Variants in CRTC3 observed in about 807,000 individuals in gnomAD.
CRTC3 encodes the protein CREB-regulated transcription coactivator 3.
A neutral mutation model predicts 74.5 loss-of-function variants in CRTC3; 26 were observed. The observed-to-expected ratio is 0.35, with a 90% confidence interval of 0.26 to 0.48. CRTC3 has a LOEUF of 0.48. Among genes scored for constraint, CRTC3 ranks in the 20% least tolerant of loss-of-function variants. The pLI is 0.99. For missense variants in CRTC3, 760 were observed against 787.3 expected (o/e 0.97, Z 0.41); for synonymous variants, 377 against 325.8 (o/e 1.16, Z -1.69).
intron 8 of CRTC3, 58 bp downstream of exon 8, chr15:90,618,026 A>G: frequency 8.5e-7 from 1 of 1,173,306 alleles, no homozygotes; most frequent in Non-Finnish European, 1.3e-6. Context: ...CTTAGAGGTC[A>G]TTGAAAAATC....
intron 6 of CRTC3, among the ~76,000 whole-genome samples, chr15:90,608,122 G>A (rs912555119): frequency 1.3e-5 from 2 of 152,152 alleles, no homozygotes; most frequent in Non-Finnish European, 2.9e-5. Flanking sequence ...TGCATCACCT[G>A]CTCAGTTGCC....
At chr15:90,614,419 G>T in intron 6 of CRTC3, 34 bp from the exon 7 acceptor site, 1 of 1,515,344 alleles carries the variant, frequency 6.6e-7, no homozygotes, top group Non-Finnish European at 9.1e-7. Context: ...CCACATAAAA[G>T]TGTTTTCTTT....
chr15:90,642,762 C>T lies in CRTC3; in HGVS notation c.*622C>T, dbSNP rs3743401. The T allele has an allele frequency of 0.3, 70,279 of 231,372 alleles. 11,990 individuals carry two copies. The highest frequency in any genetic ancestry group is 0.5 in the African/African-American group (22,454 of 45,216). 14.3% of individuals were successfully genotyped at this position (231,372 alleles called of 1,614,324 possible). A position where few individuals can be genotyped will look rare whatever the true frequency, so the allele number is the denominator to read the frequency against. On this transcript the variant is annotated 3_prime_UTR_variant, in exon 15 of 15. Transcript: ENST00000268184. The stretch of plus-strand genomic sequence containing the variant: ...AAGGCTAATTTTCATTTTCTCCCAG[C>T]TGGTTTCTGCTGCTTCAGAAAAGTA...
At chr15:90,533,420 AG>A (rs11402562) in intron 1 of CRTC3, among the ~76,000 whole-genome samples, 6 of 117,324 alleles carry the variant, frequency 5.1e-5, no homozygotes, top group African/African-American at 1.0e-4. Flanking sequence ...GACTCCGCCT[AG>A]GAAAAAAAAA....
intron 2 of CRTC3, among the ~76,000 whole-genome samples, chr15:90,543,168 A>C (rs758603886): frequency 6.7e-6 from 1 of 148,872 alleles, no homozygotes; most frequent in Non-Finnish European, 1.5e-5. Flanking sequence ...GTGGTGGTGC[A>C]CGCCTCTGGT....
At chr15:90,573,653 A>G (rs1967330507) in intron 2 of CRTC3, among the ~76,000 whole-genome samples, 1 of 151,692 alleles carries the variant, frequency 6.6e-6, no homozygotes, top group African/African-American at 2.4e-5. Context: ...TCCCATTGAT[A>G]TGGCTACCTA....
At chr15:90,562,842 C>T (rs901015491) in intron 2 of CRTC3, among the ~76,000 whole-genome samples, 30 of 151,918 alleles carry the variant, frequency 2.0e-4, no homozygotes, top group African/African-American at 7.0e-4. Flanking sequence ...GCAAGCCAGA[C>T]CAGCCGCAAG....
chr15:90,621,652 T>C (rs1968656619), intron 9 of CRTC3, among the ~76,000 whole-genome samples: 2 of 152,044 alleles, frequency 1.3e-5, no homozygotes, highest in Admixed American at 1.3e-4. Context: ...GATAGGGCCT[T>C]GCTATGTTGG....
chr15:90,592,368 G>A (rs1967820866), intron 2 of CRTC3, among the ~76,000 whole-genome samples: 1 of 152,148 alleles, frequency 6.6e-6, no homozygotes, highest in African/African-American at 2.4e-5. Context: ...TTCTTTGTCA[G>A]TAACACCTTA....
Position 90,577,098 on chromosome 15 carries a change from C to T in CRTC3, c.232-16538C>T, listed in dbSNP as rs536659499. Among the ~76,000 whole-genome samples, 62 of 152,296 alleles carry T rather than the reference C, an allele frequency of 4.1e-4. No individual in the cohort carries two copies. The South Asian group carries it at 0.013, about 31-fold the overall frequency. ...TTGCCCTCTTGCTCAGGCTGCCATG[C>T]AGTGGCTCACACTGGCTCTCCTCTT... On this transcript the variant is annotated intron_variant, in intron 2 of 14. Transcript: ENST00000268184.
Position 90,643,583 on chromosome 15 carries a change from A to T in CRTC3, c.*1443A>T, listed in dbSNP as rs980886935. The T allele has an allele frequency of 6.5e-5, 15 of 230,428 alleles. No homozygotes were observed. Among genetic ancestry groups the T allele is most frequent in the Non-Finnish European group, 6.9e-5 (8 of 116,464 alleles). 14.3% of individuals were successfully genotyped at this position (230,428 alleles called of 1,614,324 possible). A position where few individuals can be genotyped will look rare whatever the true frequency, so the allele number is the denominator to read the frequency against. On this transcript the variant is annotated 3_prime_UTR_variant, in exon 15 of 15. Transcript: ENST00000268184. The stretch of plus-strand genomic sequence containing the variant: ...CTTTGAGGTTGAAAAAATAGTTTAT[A>T]GTAAAACGAAGGCCTAATTCATGGA...
At chr15:90,540,461 A>G (rs904045960) in intron 2 of CRTC3, among the ~76,000 whole-genome samples, 1 of 150,252 alleles carries the variant, frequency 6.7e-6, no homozygotes, top group Admixed American at 6.6e-5. Context: ...TTTCTCATCT[A>G]TAATTTTAAT....
At position 90,642,389 on chromosome 15, in the gene CRTC3, T is replaced by G; in HGVS notation, c.*249T>G. The G allele has an allele frequency of 7.4e-6, 4 of 539,750 alleles. No individual in the cohort carries two copies. In the Admixed American group the frequency reaches 1.3e-4, roughly 17 times the overall value. The allele number at this position is 539,750 out of a possible 1,614,324, so 33.4% of individuals were successfully genotyped here. A position where few individuals can be genotyped will look rare whatever the true frequency, so the allele number is the denominator to read the frequency against. On this transcript the variant is annotated 3_prime_UTR_variant, in exon 15 of 15. Transcript: ENST00000268184. ...CAGGCAGGCTGCTTGGAGCTTCCCA[T>G]GAACTGGAAAGCTCACCTCCACTGC...
intron 6 of CRTC3, 94 bp downstream of exon 6, chr15:90,607,572 C>A: frequency 1.3e-6 from 1 of 754,886 alleles, no homozygotes; most frequent in Non-Finnish European, 2.2e-6. Context: ...GTTTGCGCTT[C>A]CCGGTTCAGT....
At chr15:90,587,395 T>C (rs992379530) in intron 2 of CRTC3, among the ~76,000 whole-genome samples, 1 of 152,220 alleles carries the variant, frequency 6.6e-6, no homozygotes. Flanking sequence ...GCCGTTAGCA[T>C]TAGCCATGTC....
At chr15:90,550,352 G>T (rs1966852657) in intron 2 of CRTC3, among the ~76,000 whole-genome samples, 1 of 151,496 alleles carries the variant, frequency 6.6e-6, no homozygotes, top group East Asian at 2.0e-4. Context: ...GGAAGTTGCG[G>T]TGTGCTGAGA....
chr15:90,560,794 C>T (rs1966994546), intron 2 of CRTC3, among the ~76,000 whole-genome samples: 1 of 152,296 alleles, frequency 6.6e-6, no homozygotes, highest in East Asian at 1.9e-4. Flanking sequence ...CCTGATTGCA[C>T]CCTGCAGGTT....
chr15:90,603,321 T>C (rs1383596712), intron 4 of CRTC3, among the ~76,000 whole-genome samples: 1 of 149,930 alleles, frequency 6.7e-6, no homozygotes, highest in East Asian at 2.0e-4. Context: ...CAGGCGCCTG[T>C]AGTCCCAGCT....
At chr15:90,534,869 G>A (rs1404146071) in intron 1 of CRTC3, among the ~76,000 whole-genome samples, 1 of 152,094 alleles carries the variant, frequency 6.6e-6, no homozygotes, top group East Asian at 1.9e-4. Context: ...GTCAGAAGGT[G>A]AACTGTGAGG....
Sources: gnomAD v4.1 joint callset for allele counts (sites outside exome capture counted in the v4.1 genomes callset) on GRCh38, gnomAD v4.1.1 for gene constraint, MANE v1.5 for transcripts, NCBI Gene and HGNC (gene_info 2026-07-23, HGNC 2026-07-21) for gene names.